TMEM108: variants seen among roughly 807,000 people sequenced by gnomAD.
The protein encoded by TMEM108 is cancer/testis antigen 124.
A neutral mutation model predicts 35.1 loss-of-function variants in TMEM108; 12 were observed. The ratio of observed to expected loss-of-function variants is 0.34; its 90% CI spans 0.22 to 0.55. TMEM108 has a LOEUF of 0.55. TMEM108 is among the 20% of genes least tolerant of loss of function. TMEM108 has a pLI of 0.89. For synonymous variants in TMEM108, 287 were observed against 308.6 expected (o/e 0.93, Z 0.73); for missense variants, 680 against 753.3 (o/e 0.90, Z 1.14).
At chr3:133,044,027 C>T (rs1197749394) in intron 1 of TMEM108, among the ~76,000 whole-genome samples, 1 of 152,120 alleles carries the variant, frequency 6.6e-6, no homozygotes, top group Non-Finnish European at 1.5e-5. Flanking sequence ...GACACCTTGC[C>T]TACTTTTGGT....
chr3:133,329,653 CT>C (rs897882818), intron 3 of TMEM108, among the ~76,000 whole-genome samples: 8 of 152,078 alleles, frequency 5.3e-5, no homozygotes, highest in East Asian at 1.9e-4. Context: ...AGAAAGCCTC[CT>C]TTTTTTTATT....
At chr3:133,156,447 G>GGCT (rs1359347887) in intron 2 of TMEM108, among the ~76,000 whole-genome samples, 11 of 152,196 alleles carry the variant, frequency 7.2e-5, no homozygotes, top group Non-Finnish European at 1.6e-4. Context: ...TGAGAGCAAA[G>GGCT]ATTTGTACCA....
chr3:133,302,822 C>T lies in TMEM108; in HGVS notation c.40+73471C>T, dbSNP rs571542341. On this transcript the variant is annotated intron_variant, in intron 3 of 5. Transcript: ENST00000321871. ...CCTTTAGATCAATGTTATCCTACAG[C>T]ATTTGGGTATCTTCGGGCCACCCCA... 1.9e-4 allele frequency among the ~76,000 whole-genome samples: 29 copies of T among 152,104 alleles called. 1 individual carries two copies. The highest frequency in any genetic ancestry group is 3.2e-4 in the Non-Finnish European group (22 of 68,026).
At chr3:133,204,746 G>A (rs995531748) in intron 2 of TMEM108, among the ~76,000 whole-genome samples, 4 of 152,216 alleles carry the variant, frequency 2.6e-5, no homozygotes, top group African/African-American at 9.6e-5. Flanking sequence ...TAGAATAAGT[G>A]TGATTTGGTC....
chr3:133,158,209 C>A (rs1944908539), intron 2 of TMEM108, among the ~76,000 whole-genome samples: 1 of 152,066 alleles, frequency 6.6e-6, no homozygotes, highest in Non-Finnish European at 1.5e-5. Flanking sequence ...GTGGCTCACA[C>A]CTGTAATCCC....
intron 3 of TMEM108, among the ~76,000 whole-genome samples, chr3:133,272,761 T>C (rs920802946): frequency 6.6e-6 from 1 of 152,070 alleles, no homozygotes; most frequent in African/African-American, 2.4e-5. Context: ...AAAGAGAAGA[T>C]GGGGAAAGTG....
chr3:133,164,442 G>A lies in TMEM108; in HGVS notation c.-46-64824G>A, dbSNP rs1409989877. On this transcript the variant is annotated intron_variant, in intron 2 of 5. Coordinates refer to ENST00000321871, the MANE Select transcript of TMEM108 (RefSeq NM_023943.4). ...AATACCCTGTGTCATATGATTGGTG[G>A]GTCTGAATGAAAATCTTTGTATTGG... 3.3e-4 allele frequency among the ~76,000 whole-genome samples: 50 copies of A among 152,246 alleles called. 1 individual carries two copies. Among genetic ancestry groups the A allele is most frequent in the Admixed American group, 3.3e-3 (50 of 15,298 alleles).
chr3:133,244,414 GTC>G (rs937605909), intron 3 of TMEM108, among the ~76,000 whole-genome samples: 1 of 152,116 alleles, frequency 6.6e-6, no homozygotes, highest in Non-Finnish European at 1.5e-5. Flanking sequence ...CCCGTCCTAA[GTC>G]TCATTCTCTG....
intron 3 of TMEM108, among the ~76,000 whole-genome samples, chr3:133,342,242 C>G (rs2107748310): frequency 6.6e-6 from 1 of 151,442 alleles, no homozygotes; most frequent in Non-Finnish European, 1.5e-5. Flanking sequence ...GGGTATTTCT[C>G]AAAAGAAGAC....
intron 2 of TMEM108, among the ~76,000 whole-genome samples, chr3:133,057,834 C>T (rs947678582): frequency 2.6e-5 from 4 of 152,034 alleles, no homozygotes; most frequent in South Asian, 2.1e-4. Context: ...AGGCTGGCAA[C>T]GGGAGCTTCT....
intron 3 of TMEM108, chr3:133,378,304 T>C (rs2072902862): frequency 1.0e-6 from 1 of 978,478 alleles, no homozygotes; most frequent in African/African-American, 1.8e-5. Flanking sequence ...GTCAAAGGCA[T>C]GCCTGGAGAT....
At chr3:133,292,668 G>GTC (rs1947088933) in intron 3 of TMEM108, among the ~76,000 whole-genome samples, 1 of 152,074 alleles carries the variant, frequency 6.6e-6, no homozygotes. Context: ...TTTTTATAAA[G>GTC]TTTTTTTTAA....
intron 3 of TMEM108, among the ~76,000 whole-genome samples, chr3:133,257,374 G>A (rs1468615441): frequency 1.3e-5 from 2 of 152,180 alleles, no homozygotes; most frequent in Non-Finnish European, 1.5e-5. Flanking sequence ...CTCTCTGAAA[G>A]TTTATTGCCA....
intron 2 of TMEM108, among the ~76,000 whole-genome samples, chr3:133,157,132 A>G (rs983885658): frequency 4.6e-5 from 7 of 152,184 alleles, no homozygotes; most frequent in Admixed American, 1.3e-4. Context: ...TATGTTATAC[A>G]TGTATGTGTC....
In TMEM108 at chr3:133,362,729, G is replaced by A. The variant is rs1482738054; in HGVS notation, c.41-17023G>A. 2.0e-5 allele frequency among the ~76,000 whole-genome samples: 3 copies of A among 152,182 alleles called. No individual in the cohort carries two copies. In the East Asian group the frequency reaches 5.8e-4, roughly 29 times the overall value. ...GCTCTATTTAGAGGCTGATCCGCTT[G>A]TCACAAGCTGGCTCCTGAGCTCTTG... On this transcript the variant is annotated intron_variant, in intron 3 of 5. Transcript: ENST00000321871.
intron 2 of TMEM108, among the ~76,000 whole-genome samples, chr3:133,178,878 C>T (rs1945283069): frequency 6.6e-6 from 1 of 152,204 alleles, no homozygotes. Flanking sequence ...AGGCAACCTA[C>T]AGAATGGGAG....
chr3:133,201,035 A>G (rs1050030466), intron 2 of TMEM108, among the ~76,000 whole-genome samples: 2 of 152,176 alleles, frequency 1.3e-5, no homozygotes, highest in African/African-American at 2.4e-5. Context: ...AGGATCACCA[A>G]TATACTAAAA....
chr3:133,085,599 A>C (rs1943871812), intron 2 of TMEM108, among the ~76,000 whole-genome samples: 2 of 152,174 alleles, frequency 1.3e-5, no homozygotes, highest in African/African-American at 4.8e-5. Flanking sequence ...TATTTGGACC[A>C]AATTTGGCCA....
Position 133,394,704 on chromosome 3 carries a change from A to C in TMEM108, c.1606-1160A>C, listed in dbSNP as rs557694937. Among the ~76,000 whole-genome samples the C allele has an allele frequency of 1.1e-4, 17 of 152,348 alleles. No homozygotes were observed. The South Asian group carries it at 3.5e-3, about 32-fold the overall frequency. The stretch of plus-strand genomic sequence containing the variant: ...CTATTTTCCTTAGATGGCTGGCCCC[A>C]TATCCACCCTTAGATAGGTGTTGAA... On this transcript the variant is annotated intron_variant, in intron 5 of 5. Coordinates refer to ENST00000321871, the MANE Select transcript of TMEM108 (RefSeq NM_023943.4).
Sources: gnomAD v4.1 joint callset for allele counts (sites outside exome capture counted in the v4.1 genomes callset) on GRCh38, gnomAD v4.1.1 for gene constraint, MANE v1.5 for transcripts, NCBI Gene and HGNC (gene_info 2026-07-23, HGNC 2026-07-21) for gene names.